CELF4: variants seen among roughly 807,000 people sequenced by gnomAD.
The protein encoded by CELF4 is CUGBP Elav-like family member 4, also known as CUG-BP- and ETR-3-like factor 4.
A neutral mutation model predicts 59.9 loss-of-function variants in CELF4; 18 were observed. The ratio of observed to expected loss-of-function variants is 0.30; its 90% CI spans 0.21 to 0.45. The LOEUF is 0.45. Among genes scored for constraint, CELF4 ranks in the 20% least tolerant of loss-of-function variants. The pLI is 1.00. For missense variants in CELF4, 456 were observed against 689.0 expected (o/e 0.66, Z 3.79); for synonymous variants, 261 against 267.1 (o/e 0.98, Z 0.22).
intron 2 of CELF4, among the ~76,000 whole-genome samples, chr18:37,462,651 G>A (rs1177131965): frequency 6.6e-6 from 1 of 152,174 alleles, no homozygotes; most frequent in African/African-American, 2.4e-5. Flanking sequence ...GAGGGGAGTA[G>A]GGTTGTTGGA....
rs527449276 is a variant in CELF4 at position 37,254,977 on chromosome 18, A to C, written c.1334-1039T>G. ...GCCAGGCCCACTGGGCCAGTGCAGC[A>C]TATCAACAAATAACGTCCCCTCCCT... On this transcript the variant is annotated intron_variant, in intron 11 of 12. Coordinates refer to ENST00000420428, the MANE Select transcript of CELF4 (RefSeq NM_020180.4). The surrounding 1 kb of genome is among the most constrained non-coding windows in gnomAD (Gnocchi z 5.1). 6.6e-6 allele frequency among the ~76,000 whole-genome samples: 1 copy of C among 152,222 alleles called. No individual in the cohort carries two copies. The highest frequency in any genetic ancestry group is 2.4e-5 in the African/African-American group (1 of 41,464).
intron 4 of CELF4, 45 bp from the exon 5 acceptor site, chr18:37,274,929 A>G: frequency 6.3e-7 from 1 of 1,592,266 alleles, no homozygotes; most frequent in South Asian, 1.1e-5. Flanking sequence ...AAGCAGGGCC[A>G]GGGAGGGGCC....
At chr18:37,301,896 G>C (rs1409033103) in intron 3 of CELF4, among the ~76,000 whole-genome samples, 1 of 152,130 alleles carries the variant, frequency 6.6e-6, no homozygotes, top group Non-Finnish European at 1.5e-5. Context: ...TCTCTGGCAT[G>C]GCATGCCATG....
At chr18:37,479,800 CCTT>C (rs1469021125) in intron 2 of CELF4, among the ~76,000 whole-genome samples, 3 of 152,176 alleles carry the variant, frequency 2.0e-5, no homozygotes, top group Non-Finnish European at 4.4e-5. Flanking sequence ...ATGAAAGTGA[CCTT>C]CTTTGAAATA....
chr18:37,423,793 G>A (rs2099594882), intron 2 of CELF4, among the ~76,000 whole-genome samples: 1 of 152,028 alleles, frequency 6.6e-6, no homozygotes, highest in Non-Finnish European at 1.5e-5. Flanking sequence ...GAATGGCTTT[G>A]GGAGGCTTCA....
chr18:37,486,974 C>T (rs2099882582), intron 1 of CELF4, among the ~76,000 whole-genome samples: 1 of 152,256 alleles, frequency 6.6e-6, no homozygotes. Context: ...TCTCCACAGC[C>T]AGCCATTTGG....
chr18:37,324,267 A>AT (rs1380350965), intron 2 of CELF4, among the ~76,000 whole-genome samples: 1 of 152,102 alleles, frequency 6.6e-6, no homozygotes, highest in Non-Finnish European at 1.5e-5. Context: ...CCTAACCCCC[A>AT]TTGTGACTGT....
intron 2 of CELF4, among the ~76,000 whole-genome samples, chr18:37,461,827 A>G (rs985491034): frequency 6.6e-6 from 1 of 152,226 alleles, no homozygotes; most frequent in Non-Finnish European, 1.5e-5. Flanking sequence ...ATGGAGGTAG[A>G]GGCCAGTGCA....
chr18:37,512,847 C>A (rs1158871994), intron 1 of CELF4, among the ~76,000 whole-genome samples: 3 of 151,694 alleles, frequency 2.0e-5, no homozygotes, highest in African/African-American at 4.8e-5. Flanking sequence ...TGTTCCTCTT[C>A]TTTCTTCTCT....
intron 1 of CELF4, among the ~76,000 whole-genome samples, chr18:37,508,287 CT>C (rs1262578390): frequency 6.6e-6 from 1 of 152,190 alleles, no homozygotes; most frequent in African/African-American, 2.4e-5. Flanking sequence ...AGTGGCATGT[CT>C]GTGTCATCAT....
At chr18:37,485,853 T>G (rs2099880238) in intron 1 of CELF4, 14 of 313,416 alleles carry the variant, frequency 4.5e-5, no homozygotes, top group Admixed American at 5.1e-5. Flanking sequence ...ACCCTGCATC[T>G]TCCCCCCACC....
At position 37,417,037 on chromosome 18, in the gene CELF4, G is replaced by T. The variant is rs554221587; in HGVS notation, c.369+68488C>A. The stretch of plus-strand genomic sequence containing the variant: ...AAGCAGGAAGGAAGAAGGAATGAAA[G>T]GAAATCATTAAAGAGAGGAAGGAAG... On this transcript the variant is annotated intron_variant, in intron 2 of 12. Coordinates refer to ENST00000420428, the MANE Select transcript of CELF4 (RefSeq NM_020180.4). Among the ~76,000 whole-genome samples, 11 of 151,434 alleles carry T rather than the reference G, an allele frequency of 7.3e-5. No homozygotes were observed. In the East Asian group the frequency reaches 1.7e-3, roughly 24 times the overall value.
In CELF4 at chr18:37,274,335, C is replaced by T. The variant is rs1438923821; in HGVS notation, c.777G>A (p.Gly259=). ...CTGCCTGAGCGTAGGCGCCGTAGGC[C>T]CCGAAAGGGATGGCCATGGGGTTGA... ...GMFNPMAIPF[G]AYGAYAQALM... The change falls in exon 6 of 13, where the codon GGG becomes GGA. Residue 259 remains glycine, a synonymous_variant. Transcript: ENST00000420428. 3.7e-6 allele frequency: 6 copies of T among 1,613,170 alleles called. No homozygotes were observed. The highest frequency in any genetic ancestry group is 3.3e-4 in the Middle Eastern group (2 of 6,036).
chr18:37,503,836 T>C (rs1388597477), intron 1 of CELF4, among the ~76,000 whole-genome samples: 1 of 152,108 alleles, frequency 6.6e-6, no homozygotes, highest in Admixed American at 6.5e-5. Flanking sequence ...TCCTTCAAGG[T>C]CCCTGTTCCA....
chr18:37,280,148 A>G (rs2093940978), intron 3 of CELF4, among the ~76,000 whole-genome samples: 1 of 152,132 alleles, frequency 6.6e-6, no homozygotes, highest in Non-Finnish European at 1.5e-5. Flanking sequence ...GTCTGTACTC[A>G]CCACCCCACC....
At chr18:37,333,772 C>T (rs2097656497) in intron 2 of CELF4, among the ~76,000 whole-genome samples, 1 of 137,912 alleles carries the variant, frequency 7.3e-6, no homozygotes, top group Non-Finnish European at 1.6e-5. Flanking sequence ...ATCCATCCAT[C>T]CCTCCATCCA....
chr18:37,267,605 G>A (rs989387203), intron 8 of CELF4, among the ~76,000 whole-genome samples: 2 of 152,188 alleles, frequency 1.3e-5, no homozygotes, highest in Non-Finnish European at 2.9e-5. Flanking sequence ...GAAACTATCT[G>A]GGCTTATCCG....
intron 2 of CELF4, among the ~76,000 whole-genome samples, chr18:37,482,442 G>A (rs2099870440): frequency 6.6e-6 from 1 of 152,188 alleles, no homozygotes; most frequent in Non-Finnish European, 1.5e-5. Context: ...AAGCTTCATA[G>A]TTTAATAATC....
chr18:37,444,748 T>C (rs190375365), intron 2 of CELF4, among the ~76,000 whole-genome samples: 1 of 151,998 alleles, frequency 6.6e-6, no homozygotes, highest in Non-Finnish European at 1.5e-5. Flanking sequence ...GCACTGTCCA[T>C]GGCCCCGACA....
Sources: allele counts gnomAD v4.1 joint callset (sites outside exome capture counted in the v4.1 genomes callset), GRCh38; gene constraint gnomAD v4.1.1; non-coding constraint Gnocchi (gnomAD v3.1); transcripts MANE v1.5; gene names NCBI Gene and HGNC (gene_info 2026-07-23, HGNC 2026-07-21).